SLC6A6: variants seen among roughly 807,000 people sequenced by gnomAD.
SLC6A6 encodes solute carrier family 6 member 6, also known as sodium- and chloride-dependent taurine transporter.
A neutral mutation model predicts 68.8 loss-of-function variants in SLC6A6; 16 were observed. The observed-to-expected ratio is 0.23, with a 90% CI of 0.16 to 0.35. SLC6A6 has a LOEUF of 0.35. Among genes scored for constraint, SLC6A6 ranks in the 10% least tolerant of loss-of-function variants. The probability of loss-of-function intolerance (pLI) is 1.00; values close to 1 mark genes in which losing one functional copy is unlikely to be tolerated. For missense variants in SLC6A6, 474 were observed against 802.8 expected (o/e 0.59, Z 4.95); for synonymous variants, 312 against 315.4 (o/e 0.99, Z 0.12).
chr3:14,414,765 A>G (rs564348483), intron 1 of SLC6A6, among the ~76,000 whole-genome samples: 32 of 152,184 alleles, frequency 2.1e-4, no homozygotes, highest in South Asian at 6.2e-4. Context: ...TCTTGGGCTC[A>G]TGAGCCTTCT....
chr3:14,438,264 T>C (rs1699905369), intron 2 of SLC6A6, among the ~76,000 whole-genome samples: 1 of 152,132 alleles, frequency 6.6e-6, no homozygotes. Context: ...TGGTATGTGC[T>C]GGGCTGTGTG....
rs1307130432 is a variant in SLC6A6 at position 14,484,942 on chromosome 3, T to C, written c.1798T>C (p.Ser600Pro). 1 of 1,612,738 alleles carries C rather than the reference T, an allele frequency of 6.2e-7. No individual in the cohort carries two copies. Among genetic ancestry groups the C allele is most frequent in the Non-Finnish European group, 8.5e-7 (1 of 1,179,904 alleles). ...GCGCGAGGGAGCCACACCTTACAAC[T>C]CTCGCACCGTCATGAACGGCGCTCT... ...VEREGATPYNSRTVMNGALVK... is the reference protein window; with the variant it reads ...VEREGATPYNPRTVMNGALVK... The change falls in exon 15 of 15, where the codon TCT (serine) becomes CCT (proline). Residue 600 changes from serine to proline, a missense_variant. Transcript: ENST00000622186.
rs1009816997 is a variant in SLC6A6, at chr3:14,486,866, T to C, written c.*1859T>C. Reference sequence around the variant, plus strand: ...ACATATTTCACTGTTTCCAAAGCTATCTACTCTGCCAAACAACACCCAGTC... The same window carrying C: ...ACATATTTCACTGTTTCCAAAGCTACCTACTCTGCCAAACAACACCCAGTC... On this transcript the variant is annotated 3_prime_UTR_variant, in exon 15 of 15. Transcript: ENST00000622186. The C allele has an allele frequency of 1.2e-4, 18 of 152,214 alleles. No homozygotes were observed. Among genetic ancestry groups the C allele is most frequent in the African/African-American group, 3.4e-4 (14 of 41,446 alleles). 9.4% of individuals were successfully genotyped at this position (152,214 alleles called of 1,614,324 possible).
intron 14 of SLC6A6, among the ~76,000 whole-genome samples, 156 bp from the exon 15 acceptor site, chr3:14,484,711 T>C (rs1701097545): frequency 6.6e-6 from 1 of 152,204 alleles, no homozygotes; most frequent in Non-Finnish European, 1.5e-5. Flanking sequence ...AATTCCATTA[T>C]TTCCAAAAAG....
chr3:14,408,495 T>C (rs755345056), intron 1 of SLC6A6, among the ~76,000 whole-genome samples: 1 of 151,914 alleles, frequency 6.6e-6, no homozygotes, highest in East Asian at 1.9e-4. Flanking sequence ...CCATTATGCC[T>C]GGCTAATTTT....
chr3:14,411,745 T>A (rs1426992995), intron 1 of SLC6A6, among the ~76,000 whole-genome samples: 1 of 152,148 alleles, frequency 6.6e-6, no homozygotes, highest in Non-Finnish European at 1.5e-5. Context: ...GGCTTGGAAA[T>A]TATATTCACC....
chr3:14,439,708 A>C (rs1332246338), intron 2 of SLC6A6, among the ~76,000 whole-genome samples: 1 of 152,160 alleles, frequency 6.6e-6, no homozygotes, highest in East Asian at 1.9e-4. Context: ...ACGCCTGTGG[A>C]GGAGGACTCG....
intron 4 of SLC6A6, among the ~76,000 whole-genome samples, chr3:14,447,221 TATCCATCCATCC>T (rs3836358): frequency 1.1e-3 from 157 of 149,472 alleles, no homozygotes; most frequent in Non-Finnish European, 1.8e-3. Context: ...TCTATTCAGC[TATCCATCCATCC>T]ATCCATCCAT....
chr3:14,411,246 C>G (rs1699246431), intron 1 of SLC6A6: 1 of 152,340 alleles, frequency 6.6e-6, no homozygotes, highest in Admixed American at 6.5e-5. Flanking sequence ...AGCGTTCACG[C>G]TCACCTACCA....
At chr3:14,447,547 C>A in intron 4 of SLC6A6, 35 bp from the exon 5 acceptor site, 1 of 1,611,162 alleles carries the variant, frequency 6.2e-7, no homozygotes, top group South Asian at 1.1e-5. Flanking sequence ...TGGCCTCCCT[C>A]AGATGTTTAC....
At chr3:14,403,608 TG>T (rs567411650) in intron 1 of SLC6A6, among the ~76,000 whole-genome samples, 45 of 152,278 alleles carry the variant, frequency 3.0e-4, no homozygotes, top group South Asian at 2.9e-3. Context: ...GGTGTGCAGG[TG>T]GCAGCGCCAG....
chr3:14,461,597 T>C lies in SLC6A6; in HGVS notation c.732+3515T>C, dbSNP rs537761974. Among the ~76,000 whole-genome samples, 16 of 152,350 alleles carry C rather than the reference T, an allele frequency of 1.1e-4. No individual in the cohort carries two copies. The South Asian group carries it at 3.3e-3, about 32-fold the overall frequency. Reference sequence around the variant, plus strand: ...CATGGACATTCACTGAGGCTGGGGCTCTTCGCTGTTGGCCTCCGGAGCAGC... The same window carrying C: ...CATGGACATTCACTGAGGCTGGGGCCCTTCGCTGTTGGCCTCCGGAGCAGC... On this transcript the variant is annotated intron_variant, in intron 6 of 14. Transcript: ENST00000622186.
intron 2 of SLC6A6, among the ~76,000 whole-genome samples, chr3:14,428,057 T>A (rs1387835383): frequency 6.6e-6 from 1 of 152,144 alleles, no homozygotes; most frequent in Non-Finnish European, 1.5e-5. Flanking sequence ...GGTTTTCACA[T>A]CTGTGCTCAG....
chr3:14,446,336 C>T (rs1042919413), intron 4 of SLC6A6, among the ~76,000 whole-genome samples: 1 of 152,178 alleles, frequency 6.6e-6, no homozygotes, highest in Non-Finnish European at 1.5e-5. Flanking sequence ...ACCACGTATT[C>T]TTGCTTATAG....
At chr3:14,437,884 G>A (rs940557329) in intron 2 of SLC6A6, among the ~76,000 whole-genome samples, 1 of 151,652 alleles carries the variant, frequency 6.6e-6, no homozygotes, top group Non-Finnish European at 1.5e-5. Context: ...CTAGACTGCA[G>A]TGGTGCGATC....
intron 12 of SLC6A6, 123 bp downstream of exon 12, chr3:14,478,691 C>T: frequency 2.8e-6 from 2 of 707,794 alleles, no homozygotes; most frequent in Non-Finnish European, 5.1e-6. Context: ...GCCCTCCCTA[C>T]CTAGACTACA....
chr3:14,420,878 GTGT>G (rs1477107177), intron 2 of SLC6A6, among the ~76,000 whole-genome samples: 5 of 152,250 alleles, frequency 3.3e-5, no homozygotes, highest in African/African-American at 1.2e-4. Context: ...TAGATTTAAA[GTGT>G]TGTGCCGCCA....
At chr3:14,444,136 C>T (rs1017514766) in intron 3 of SLC6A6, 43 of 405,082 alleles carry the variant, frequency 1.1e-4, no homozygotes, top group Non-Finnish European at 1.5e-4. Flanking sequence ...TTGCCACCTC[C>T]AAAGAGGCAG....
Position 14,421,339 on chromosome 3 carries a change from C to T in SLC6A6, c.-12+4886C>T, listed in dbSNP as rs546066484. Among the ~76,000 whole-genome samples, 13 of 152,246 alleles carry T rather than the reference C, an allele frequency of 8.5e-5. No homozygotes were observed. The South Asian group carries it at 2.5e-3, about 29-fold the overall frequency. ...TGTTAGGACCTGAGCTCAGGGGTCC[C>T]GTGAGCCTGAGTGTGAATGTCATTC... is the stretch of plus-strand genomic sequence containing the variant. On this transcript the variant is annotated intron_variant, in intron 2 of 14. Coordinates refer to ENST00000622186, the MANE Select transcript of SLC6A6 (RefSeq NM_003043.6).
Sources: allele counts gnomAD v4.1 joint callset (sites outside exome capture counted in the v4.1 genomes callset), GRCh38; gene constraint gnomAD v4.1.1; transcripts MANE v1.5; gene names NCBI Gene and HGNC (gene_info 2026-07-23, HGNC 2026-07-21).